Variants in RERG observed in about 807,000 individuals in gnomAD.
The protein encoded by RERG is ras-related and estrogen-regulated growth inhibitor.
RERG carries 25 observed loss-of-function variants against 23.2 expected under a neutral mutation model. That is an observed-to-expected ratio of 1.08 (90% CI 0.79 to 1.50). RERG has a LOEUF of 1.50. Ranked by LOEUF, RERG falls within the 40% of genes most tolerant of loss-of-function variation. The pLI, the probability that RERG is intolerant of heterozygous loss-of-function variation, is 0.00. For synonymous variants in RERG, 81 were observed against 89.1 expected (o/e 0.91, Z 0.51); for missense variants, 253 against 250.1 (o/e 1.01, Z -0.08).
chr12:15,186,977 T>G (rs936287462), intron 2 of RERG, among the ~76,000 whole-genome samples: 3 of 152,140 alleles, frequency 2.0e-5, no homozygotes, highest in Non-Finnish European at 4.4e-5. Flanking sequence ...TTCTTCTTAT[T>G]AGAAAAAAAT....
intron 2 of RERG, among the ~76,000 whole-genome samples, chr12:15,194,543 T>A (rs1371516598): frequency 6.6e-6 from 1 of 151,680 alleles, no homozygotes; most frequent in Non-Finnish European, 1.5e-5. Flanking sequence ...ATGAAATCTC[T>A]ATTATGAATG....
intron 2 of RERG, among the ~76,000 whole-genome samples, chr12:15,174,000 T>C (rs1180544735): frequency 6.6e-6 from 1 of 152,052 alleles, no homozygotes; most frequent in Admixed American, 6.6e-5. Flanking sequence ...TTACCTTTAC[T>C]AATGCTCTTT....
intron 4 of RERG, among the ~76,000 whole-genome samples, chr12:15,110,598 C>T (rs1436252731): frequency 6.6e-6 from 1 of 151,214 alleles, no homozygotes; most frequent in Non-Finnish European, 1.5e-5. Flanking sequence ...CCTGCCTCAG[C>T]CTCCCCAGCA....
chr12:15,108,970 C>T lies in RERG; in HGVS notation c.*140G>A, dbSNP rs1285843641. 2.3e-6 allele frequency: 2 copies of T among 865,756 alleles called. No individual in the cohort carries two copies. The highest frequency in any genetic ancestry group is 3.4e-5 in the African/African-American group (2 of 59,310). The allele number at this position is 865,756 out of a possible 1,614,324, so 53.6% of individuals were successfully genotyped here. A position where few individuals can be genotyped will look rare whatever the true frequency, so the allele number is the denominator to read the frequency against. On this transcript the variant is annotated 3_prime_UTR_variant, in exon 5 of 5. Coordinates refer to ENST00000256953, the MANE Select transcript of RERG (RefSeq NM_032918.3). ...ATAAAACACGCTAAAACTTCCCAACCTATTAGAGGCCAGAAACAATGGGAA... is the reference window on the plus strand; with the variant it reads ...ATAAAACACGCTAAAACTTCCCAACTTATTAGAGGCCAGAAACAATGGGAA...
intron 2 of RERG, among the ~76,000 whole-genome samples, chr12:15,135,603 T>C (rs1864131600): frequency 1.3e-5 from 2 of 152,162 alleles, no homozygotes; most frequent in South Asian, 4.1e-4. Flanking sequence ...GCTGAAAGTT[T>C]TTATCACCCA....
chr12:15,118,602 A>G (rs1863774299), intron 3 of RERG, among the ~76,000 whole-genome samples: 1 of 151,936 alleles, frequency 6.6e-6, no homozygotes, highest in Non-Finnish European at 1.5e-5. Context: ...GTGGGAGGGG[A>G]TTGGAGCATG....
intron 2 of RERG, among the ~76,000 whole-genome samples, chr12:15,194,194 T>C (rs1049049799): frequency 2.0e-5 from 3 of 152,252 alleles, no homozygotes; most frequent in Non-Finnish European, 2.9e-5. Flanking sequence ...TATGTTTGCA[T>C]GAAAAACTTT....
intron 3 of RERG, among the ~76,000 whole-genome samples, chr12:15,115,902 G>A (rs961122931): frequency 1.3e-5 from 2 of 151,924 alleles, no homozygotes; most frequent in Non-Finnish European, 2.9e-5. Context: ...CATAAGCACG[G>A]CACATTGCTC....
At chr12:15,122,020 GT>G (rs1361635800) in intron 2 of RERG, among the ~76,000 whole-genome samples, 3 of 142,058 alleles carry the variant, frequency 2.1e-5, no homozygotes, top group African/African-American at 7.6e-5. Flanking sequence ...GAAAACAGTG[GT>G]TTTAAATTAA....
chr12:15,120,382 G>A (rs971597396), intron 3 of RERG, among the ~76,000 whole-genome samples: 3 of 151,946 alleles, frequency 2.0e-5, no homozygotes, highest in African/African-American at 7.3e-5. Context: ...TTGACACACA[G>A]AAGGCGCTTG....
rs147500640 is a variant in RERG, at chr12:15,190,595, C to T, written c.61+26834G>A. On this transcript the variant is annotated intron_variant, in intron 2 of 4. Coordinates refer to ENST00000256953, the MANE Select transcript of RERG (RefSeq NM_032918.3). The stretch of plus-strand genomic sequence containing the variant: ...TGATAGAGCCAAAGAGAGTTTTCAA[C>T]ATTTAGAATATACAGGTTAAGTAGC... 3.7e-4 allele frequency among the ~76,000 whole-genome samples: 56 copies of T among 152,194 alleles called. No homozygotes were observed. In the East Asian group the frequency reaches 0.01, roughly 28 times the overall value.
chr12:15,154,940 T>A (rs1449440956), intron 2 of RERG, among the ~76,000 whole-genome samples: 1 of 152,238 alleles, frequency 6.6e-6, no homozygotes, highest in East Asian at 1.9e-4. Flanking sequence ...TTTTAAAATG[T>A]TAAGTTGCTA....
intron 2 of RERG, among the ~76,000 whole-genome samples, chr12:15,158,454 G>T (rs566457292): frequency 6.6e-6 from 1 of 151,880 alleles, no homozygotes; most frequent in East Asian, 1.9e-4. Flanking sequence ...GCTAATTTTT[G>T]CATTTTTTTA....
At chr12:15,117,235 G>C (rs1407869174) in intron 3 of RERG, among the ~76,000 whole-genome samples, 1 of 150,828 alleles carries the variant, frequency 6.6e-6, no homozygotes, top group Non-Finnish European at 1.5e-5. Context: ...ATGCCACAAT[G>C]GAAATTGTAC....
intron 2 of RERG, among the ~76,000 whole-genome samples, chr12:15,152,467 G>T (rs1470160592): frequency 8.5e-5 from 13 of 152,082 alleles, no homozygotes; most frequent in Non-Finnish European, 1.5e-4. Flanking sequence ...CTCTTGTTTT[G>T]GACAGAGAAG....
intron 2 of RERG, among the ~76,000 whole-genome samples, chr12:15,157,537 T>C (rs1366673806): frequency 6.6e-6 from 1 of 152,198 alleles, no homozygotes; most frequent in East Asian, 1.9e-4. Flanking sequence ...TCCCCTAAAG[T>C]GGTAGAGATA....
At chr12:15,112,475 T>G (rs1375352637) in intron 3 of RERG, 1 of 152,130 alleles carries the variant, frequency 6.6e-6, no homozygotes, top group Non-Finnish European at 1.5e-5. Context: ...CCAAGCTATG[T>G]GAGGGGAAGG....
chr12:15,198,533 A>G (rs926644331), intron 2 of RERG, among the ~76,000 whole-genome samples: 1 of 152,166 alleles, frequency 6.6e-6, no homozygotes, highest in Non-Finnish European at 1.5e-5. Context: ...ATTTCAGTAT[A>G]CATATGAAAT....
At chr12:15,169,921 TGTG>T (rs1864753641) in intron 2 of RERG, among the ~76,000 whole-genome samples, 2 of 2,696 alleles carry the variant, frequency 7.4e-4, no homozygotes, top group Admixed American at 9.6e-3. Context: ...CTGCTAAAAA[TGTG>T]TGTGTGTGTG....
Sources: gnomAD v4.1 joint callset for allele counts (sites outside exome capture counted in the v4.1 genomes callset) on GRCh38, gnomAD v4.1.1 for gene constraint, MANE v1.5 for transcripts, NCBI Gene and HGNC (gene_info 2026-07-23, HGNC 2026-07-21) for gene names.